The following BNC2 variants were observed in gnomAD, a reference collection of about 807,000 sequenced individuals.
The protein encoded by BNC2 is basonuclin zinc finger protein 2.
In BNC2, 20 loss-of-function variants were observed where a neutral mutation model predicts 76.3. That is an observed-to-expected ratio of 0.26 (90% CI 0.18 to 0.38). The LOEUF (loss-of-function observed/expected upper bound fraction) is 0.38, where lower values mean the gene tolerates loss of function less well. Among genes scored for constraint, BNC2 ranks in the 10% least tolerant of loss-of-function variants. The pLI, the probability that BNC2 is intolerant of heterozygous loss-of-function variation, is 1.00. For synonymous variants in BNC2, 582 were observed against 514.8 expected (o/e 1.13, Z -1.77); for missense variants, 1,382 against 1,399.8 (o/e 0.99, Z 0.20).
chr9:16,451,416 T>C (rs1821337230), intron 5 of BNC2, among the ~76,000 whole-genome samples: 1 of 152,194 alleles, frequency 6.6e-6, no homozygotes, highest in African/African-American at 2.4e-5. Context: ...TGGGAATATT[T>C]CACTCCCCTT....
intron 6 of BNC2, among the ~76,000 whole-genome samples, chr9:16,428,776 CTA>C (rs1416315303): frequency 6.6e-6 from 1 of 151,838 alleles, no homozygotes; most frequent in Non-Finnish European, 1.5e-5. Context: ...GTAATAAACT[CTA>C]TAAAGTACTA....
chr9:16,446,260 G>C (rs1000021904), intron 5 of BNC2, among the ~76,000 whole-genome samples: 6 of 151,988 alleles, frequency 3.9e-5, no homozygotes, highest in African/African-American at 1.4e-4. Context: ...TTAGCGAATG[G>C]TGATATAATG....
At chr9:16,499,030 G>A (rs1349560702) in intron 5 of BNC2, among the ~76,000 whole-genome samples, 1 of 150,764 alleles carries the variant, frequency 6.6e-6, no homozygotes, top group Non-Finnish European at 1.5e-5. Context: ...CCTGCCATAA[G>A]AAAAGCACAG....
intron 5 of BNC2, among the ~76,000 whole-genome samples, chr9:16,449,951 A>G (rs1184933117): frequency 6.6e-6 from 1 of 152,134 alleles, no homozygotes; most frequent in Admixed American, 6.6e-5. Flanking sequence ...AGGTTCATCA[A>G]TTTTAAATCA....
intron 1 of BNC2, among the ~76,000 whole-genome samples, chr9:16,796,142 C>T (rs188554546): frequency 2.6e-5 from 4 of 152,308 alleles, no homozygotes; most frequent in Admixed American, 2.6e-4. Flanking sequence ...AAAACAGAGA[C>T]AAAGCCAGTA....
chr9:16,523,799 G>A (rs758853956), intron 5 of BNC2, among the ~76,000 whole-genome samples: 5 of 151,870 alleles, frequency 3.3e-5, no homozygotes, highest in South Asian at 2.1e-4. Flanking sequence ...GGTGGCAGAC[G>A]CCTGTAATCC....
intron 1 of BNC2, among the ~76,000 whole-genome samples, chr9:16,785,354 G>T (rs1826258946): frequency 1.3e-5 from 2 of 152,056 alleles, no homozygotes; most frequent in African/African-American, 2.4e-5. Flanking sequence ...GAAAGTAAGG[G>T]GATCAGGTGA....
chr9:16,813,979 C>T (rs1818119481), intron 1 of BNC2, among the ~76,000 whole-genome samples: 1 of 152,180 alleles, frequency 6.6e-6, no homozygotes, highest in Admixed American at 6.5e-5. Flanking sequence ...TCCATAACCT[C>T]CCCAGACACG....
intron 2 of BNC2, among the ~76,000 whole-genome samples, chr9:16,732,740 T>C (rs1348539510): frequency 6.6e-6 from 1 of 152,214 alleles, no homozygotes; most frequent in Non-Finnish European, 1.5e-5. Context: ...TGACACACGC[T>C]GGTATTCATC....
At chr9:16,696,481 C>T (rs1278786659) in intron 3 of BNC2, among the ~76,000 whole-genome samples, 1 of 152,126 alleles carries the variant, frequency 6.6e-6, no homozygotes, top group African/African-American at 2.4e-5. Flanking sequence ...CATGAAATTT[C>T]CTGATACCTT....
chr9:16,545,851 G>A (rs955297441), intron 5 of BNC2, among the ~76,000 whole-genome samples: 1 of 152,138 alleles, frequency 6.6e-6, no homozygotes, highest in Non-Finnish European at 1.5e-5. Context: ...TACGATCCGA[G>A]AAAATGGCAG....
At chr9:16,475,380 G>A (rs1821906834) in intron 5 of BNC2, among the ~76,000 whole-genome samples, 2 of 152,126 alleles carry the variant, frequency 1.3e-5, no homozygotes, top group Non-Finnish European at 2.9e-5. Flanking sequence ...TATGGTGCAT[G>A]CTGCTGCAAA....
At chr9:16,719,285 A>C (rs1251074977) in intron 3 of BNC2, among the ~76,000 whole-genome samples, 1 of 152,192 alleles carries the variant, frequency 6.6e-6, no homozygotes, top group African/African-American at 2.4e-5. Context: ...GGTGTCCCAA[A>C]TAGCCACCCT....
intron 3 of BNC2, among the ~76,000 whole-genome samples, chr9:16,639,347 A>G (rs1234460069): frequency 1.3e-5 from 2 of 152,208 alleles, no homozygotes; most frequent in Non-Finnish European, 2.9e-5. Context: ...CTTACTAATT[A>G]CCAACATCTA....
rs1023436057 is a variant in BNC2 at position 16,411,975 on chromosome 9, C to T, written c.*7014G>A. ...ATTTAGTCACTAACTAGTCACTTTC[C>T]AACCATCATTTGAGTATTTCAATAT... On this transcript the variant is annotated 3_prime_UTR_variant, in exon 7 of 7. Transcript: ENST00000380672. The T allele has an allele frequency of 6.6e-6, 1 of 152,236 alleles. No individual in the cohort carries two copies. The highest frequency in any genetic ancestry group is 2.4e-5 in the African/African-American group (1 of 41,426). 9.4% of individuals were successfully genotyped at this position (152,236 alleles called of 1,614,324 possible). A position where few individuals can be genotyped will look rare whatever the true frequency, so the allele number is the denominator to read the frequency against.
At chr9:16,669,409 A>C (rs1822406932) in intron 3 of BNC2, among the ~76,000 whole-genome samples, 1 of 152,236 alleles carries the variant, frequency 6.6e-6, no homozygotes, top group African/African-American at 2.4e-5. Flanking sequence ...CCCTCAGATC[A>C]AGAGAAAGTT....
Position 16,428,125 on chromosome 9 carries a change from G to A in BNC2, c.2639+7430C>T, listed in dbSNP as rs1342387949. On this transcript the variant is annotated intron_variant, in intron 6 of 6. Transcript: ENST00000380672. Reference sequence around the variant, plus strand: ...CTGGTAATAAAAAAGACAGACTGCTGAATGAAATAATTTCAAGTAAAAAAT... The same window carrying A: ...CTGGTAATAAAAAAGACAGACTGCTAAATGAAATAATTTCAAGTAAAAAAT... Among the ~76,000 whole-genome samples the A allele has an allele frequency of 2.0e-5, 3 of 152,102 alleles. No individual in the cohort carries two copies. The South Asian group carries it at 6.2e-4, about 32-fold the overall frequency.
intron 5 of BNC2, among the ~76,000 whole-genome samples, chr9:16,459,537 C>T (rs903786954): frequency 2.0e-5 from 3 of 152,090 alleles, no homozygotes; most frequent in African/African-American, 7.2e-5. Context: ...TTGTAAAAGT[C>T]CCTGATCCAA....
intron 5 of BNC2, among the ~76,000 whole-genome samples, chr9:16,444,371 T>C (rs199874233): frequency 1.3e-5 from 2 of 152,142 alleles, no homozygotes; most frequent in East Asian, 1.9e-4. Context: ...CACCAATATA[T>C]AGCAGGTATG....
Sources: gnomAD v4.1 joint callset for allele counts (sites outside exome capture counted in the v4.1 genomes callset) on GRCh38, gnomAD v4.1.1 for gene constraint, MANE v1.5 for transcripts, NCBI Gene and HGNC (gene_info 2026-07-23, HGNC 2026-07-21) for gene names.